COL26A1: variants seen among roughly 807,000 people sequenced by gnomAD.
The protein encoded by COL26A1 is collagen type XXVI alpha 1 chain.
In COL26A1, 41 loss-of-function variants were observed where a neutral mutation model predicts 59.3. That is an observed-to-expected ratio of 0.69 (90% confidence interval 0.54 to 0.90). The LOEUF is 0.90. COL26A1 is among the 40% of genes least tolerant of loss of function. The pLI is 0.00. For missense variants in COL26A1, 612 were observed against 602.3 expected (o/e 1.02, Z -0.17); for synonymous variants, 266 against 256.0 (o/e 1.04, Z -0.37).
chr7:101,386,854 G>C (rs1003480461), intron 1 of COL26A1, among the ~76,000 whole-genome samples: 1 of 152,170 alleles, frequency 6.6e-6, no homozygotes, highest in African/African-American at 2.4e-5. Flanking sequence ...TCAATATTCT[G>C]TACTGGAAGG....
intron 1 of COL26A1, among the ~76,000 whole-genome samples, chr7:101,383,737 G>A (rs1791501987): frequency 6.6e-6 from 1 of 152,148 alleles, no homozygotes. Flanking sequence ...GTTTCGCCAT[G>A]TTGGCCAGGC....
At chr7:101,478,335 G>T (rs369885635) in intron 3 of COL26A1, among the ~76,000 whole-genome samples, 35 of 152,118 alleles carry the variant, frequency 2.3e-4, no homozygotes, top group Admixed American at 5.9e-4. Context: ...GTGCGGTTTC[G>T]GGAGAGCGTG....
intron 5 of COL26A1, among the ~76,000 whole-genome samples, chr7:101,543,155 C>A (rs1795653841): frequency 6.7e-6 from 1 of 150,114 alleles, no homozygotes; most frequent in Admixed American, 6.7e-5. Flanking sequence ...AGTGCAGGTC[C>A]CTTCATCAGA....
intron 1 of COL26A1, among the ~76,000 whole-genome samples, chr7:101,363,769 T>TGGCTGG (rs1353894141): frequency 1.6e-4 from 24 of 151,602 alleles, no homozygotes; most frequent in East Asian, 1.2e-3. Flanking sequence ...CCGACCGCCG[T>TGGCTGG]GGCTGGGGCT....
intron 3 of COL26A1, among the ~76,000 whole-genome samples, chr7:101,513,856 G>C (rs904561022): frequency 6.6e-6 from 1 of 152,114 alleles, no homozygotes; most frequent in Non-Finnish European, 1.5e-5. Context: ...TGAAATTGAC[G>C]ACGGGCTGGT....
intron 2 of COL26A1, 97 bp downstream of exon 2, chr7:101,420,196 A>C: frequency 2.1e-6 from 3 of 1,462,274 alleles, no homozygotes; most frequent in Non-Finnish European, 2.8e-6. Context: ...GGCTGTGCTC[A>C]CAGACAAAGG....
At chr7:101,384,268 A>G (rs926347354) in intron 1 of COL26A1, among the ~76,000 whole-genome samples, 2 of 124,670 alleles carry the variant, frequency 1.6e-5, no homozygotes, top group African/African-American at 3.2e-5. Flanking sequence ...ACGGAGTCTC[A>G]CTGTGTTGCC....
intron 1 of COL26A1, among the ~76,000 whole-genome samples, chr7:101,387,770 A>ATTTTTTTTT (rs1304839639): frequency 5.5e-5 from 2 of 36,528 alleles, no homozygotes; most frequent in African/African-American, 1.5e-4. Flanking sequence ...ATATATATAT[A>ATTTTTTTTT]TATATATATT....
At chr7:101,385,688 A>AT (rs1027044699) in intron 1 of COL26A1, among the ~76,000 whole-genome samples, 1 of 143,972 alleles carries the variant, frequency 6.9e-6, no homozygotes, top group South Asian at 2.3e-4. Context: ...ATTGAAAAAA[A>AT]TTTTTTTTAA....
chr7:101,515,232 A>T (rs562278261), intron 3 of COL26A1, among the ~76,000 whole-genome samples: 33 of 152,244 alleles, frequency 2.2e-4, no homozygotes, highest in Non-Finnish European at 4.0e-4. Context: ...TGCCTCTCTG[A>T]TCAAGGAGAA....
chr7:101,553,632 G>C (rs1265089339), intron 11 of COL26A1, among the ~76,000 whole-genome samples: 1 of 152,150 alleles, frequency 6.6e-6, no homozygotes, highest in South Asian at 2.1e-4. Context: ...CCCTTGGGGG[G>C]GCTTCCCGGG....
At chr7:101,477,544 G>C (rs1794076372) in intron 3 of COL26A1, among the ~76,000 whole-genome samples, 1 of 152,278 alleles carries the variant, frequency 6.6e-6, no homozygotes, top group South Asian at 2.1e-4. Context: ...GGGAGGAAGG[G>C]TGTATAGGGA....
chr7:101,464,569 G>A (rs4729715), intron 3 of COL26A1, among the ~76,000 whole-genome samples: 12,498 of 149,750 alleles, frequency 0.083, 757 homozygotes, highest in East Asian at 0.3. Flanking sequence ...CTGCCACCAC[G>A]CCTGGCTAAT....
intron 3 of COL26A1, among the ~76,000 whole-genome samples, chr7:101,497,545 G>A (rs145179343): frequency 0.045 from 6,847 of 152,008 alleles, 534 homozygotes; most frequent in African/African-American, 0.15. Flanking sequence ...GTGTGGTGGT[G>A]CATGCCTGTA....
chr7:101,550,011 G>T (rs955951238), intron 9 of COL26A1, among the ~76,000 whole-genome samples: 1 of 152,222 alleles, frequency 6.6e-6, no homozygotes, highest in Non-Finnish European at 1.5e-5. Flanking sequence ...CAGGGAAAAG[G>T]CTGGCAGGTA....
At chr7:101,483,065 A>G (rs1022317842) in intron 3 of COL26A1, among the ~76,000 whole-genome samples, 1 of 152,170 alleles carries the variant, frequency 6.6e-6, no homozygotes, top group African/African-American at 2.4e-5. Flanking sequence ...TCAACCTCTT[A>G]CAACTTAACT....
chr7:101,449,766 TAGA>T (rs960340721), intron 3 of COL26A1, among the ~76,000 whole-genome samples: 1 of 152,202 alleles, frequency 6.6e-6, no homozygotes, highest in African/African-American at 2.4e-5. Flanking sequence ...GACACCTTGC[TAGA>T]AGAACTCAGA....
At chr7:101,455,503 C>CTTTTTCTT (rs1793447837) in intron 3 of COL26A1, among the ~76,000 whole-genome samples, 1 of 116,570 alleles carries the variant, frequency 8.6e-6, no homozygotes, top group African/African-American at 3.4e-5. Flanking sequence ...CTTTTCTTTT[C>CTTTTTCTT]TTTTTTTTTT....
At chr7:101,473,103 G>A (rs532854845) in intron 3 of COL26A1, among the ~76,000 whole-genome samples, 4 of 148,466 alleles carry the variant, frequency 2.7e-5, no homozygotes, top group East Asian at 2.0e-4. Flanking sequence ...TTTTTGACAC[G>A]GAGTCTCACT....
Sources: gnomAD v4.1 joint callset for allele counts (sites outside exome capture counted in the v4.1 genomes callset) on GRCh38, gnomAD v4.1.1 for gene constraint, MANE v1.5 for transcripts, NCBI Gene and HGNC (gene_info 2026-07-23, HGNC 2026-07-21) for gene names.